CPSF1: variants seen among roughly 807,000 people sequenced by gnomAD.
CPSF1 encodes cleavage and polyadenylation specific factor 1.
Under a neutral mutation model 175.8 loss-of-function variants are expected in CPSF1, and 106 were observed. That is an observed-to-expected ratio of 0.60 (90% confidence interval 0.52 to 0.71). CPSF1 has a LOEUF of 0.71. Among genes scored for constraint, CPSF1 ranks in the 30% least tolerant of loss-of-function variants. The probability of loss-of-function intolerance (pLI) is 0.00; values close to 1 mark genes in which losing one functional copy is unlikely to be tolerated. For missense variants in CPSF1, 1,734 were observed against 2,022.9 expected, an observed-to-expected ratio of 0.86 and a Z score of 2.74; for synonymous variants, 1,024 against 858.3, an observed-to-expected ratio of 1.19 and a Z score of -3.37.
intron 26 of CPSF1, chr8:144,396,084 G>C (rs918822412): frequency 9.3e-6 from 5 of 536,410 alleles, no homozygotes; most frequent in African/African-American, 1.9e-5. Context: ...TGGAGGCCAG[G>C]CCCTGCGAGG....
chr8:144,400,754 G>A lies in CPSF1; in HGVS notation c.603C>T (p.Leu201=). 1 of 1,613,880 alleles carries A rather than the reference G, an allele frequency of 6.2e-7. No individual in the cohort carries two copies. Among genetic ancestry groups the A allele is most frequent in the Non-Finnish European group, 8.5e-7 (1 of 1,179,942 alleles). The change falls in exon 7 of 38, where the codon CTC becomes CTT. Residue 201 remains leucine, a synonymous_variant. Transcript: ENST00000616140. Reference sequence around the variant, plus strand: ...GCAGGAACTGCAGGTCGATGATGTTGAGCAGCTTCTCGTCTAGGGCCCGCA... The same window carrying A: ...GCAGGAACTGCAGGTCGATGATGTTAAGCAGCTTCTCGTCTAGGGCCCGCA... ...IDVRALDEKL[L]NIIDLQFLHG...
At position 144,401,217 on chromosome 8, in the gene CPSF1, C is replaced by G; in HGVS notation, c.381G>C (p.Glu127Asp). Residue 127 changes from glutamate to aspartate, a missense_variant, in exon 5 of 38, where the codon GAG (glutamate) becomes GAC (aspartate). Physicochemically the swap from Glu to Asp is conservative, Grantham distance 45. Coordinates refer to ENST00000616140, the MANE Select transcript of CPSF1 (RefSeq NM_013291.3). ...GGCGGGAGCGCGGCCCTACCCGAAG[C>G]TCAGGCTCCTCAAAGTAGTGCAGTG... ...TLSLHYFEEP[E>D]LRDGFVQNVH... The G allele has an allele frequency of 2.6e-6, 4 of 1,550,330 alleles. No individual in the cohort carries two copies. The highest frequency in any genetic ancestry group is 3.5e-6 in the Non-Finnish European group (4 of 1,146,978).
chr8:144,398,622 C>A lies in CPSF1; in HGVS notation c.1655G>T (p.Gly552Val), dbSNP rs2116852996. The change falls in exon 18 of 38, where the codon GGG becomes GTG. Residue 552 changes from glycine (G) to valine (V), a missense_variant. Coordinates refer to ENST00000616140, the MANE Select transcript of CPSF1 (RefSeq NM_013291.3). ...VRKEEEDNPK[G>V]EGTEQEPSTT... The stretch of plus-strand genomic sequence containing the variant: ...GCTGGGTTCCTGCTCTGTGCCCTCC[C>A]CCTTGGGATTGTCCTCCTGTCAGGG... The A allele has an allele frequency of 1.2e-6, 2 of 1,613,888 alleles. No individual in the cohort carries two copies. The highest frequency in any genetic ancestry group is 1.1e-5 in the South Asian group (1 of 91,092).
chr8:144,396,267 G>C (rs1554863643), intron 26 of CPSF1, 81 bp downstream of exon 26: 1 of 1,401,584 alleles, frequency 7.1e-7, no homozygotes, highest in Non-Finnish European at 9.8e-7. Context: ...GGAGCCAATG[G>C]TCCCTTCTCC....
Position 144,393,698 on chromosome 8 carries a change from G to T in CPSF1, c.4114C>A (p.His1372Asn). 6.4e-7 allele frequency: 1 copy of T among 1,564,984 alleles called. No homozygotes were observed. ...GCGCGGGGGTTGAGGCCGGCGTGGT[G>T]TGGCAGCATGGTGGTCAGCGCGTTC... is the stretch of plus-strand genomic sequence containing the variant. Reference protein sequence around the residue: ...LQNALTTMLPHHAGLNPRAFR... With the variant: ...LQNALTTMLPNHAGLNPRAFR... Residue 1372 changes from histidine (H) to asparagine (N), a missense_variant, in exon 36 of 38, where the codon CAC becomes AAC. Around this residue, in one of 10 missense-constraint regions of CPSF1, gnomAD observed 323 missense variants for 338.5 expected, o/e 0.95. Transcript: ENST00000616140.
chr8:144,405,584 G>A (rs2116902578), intron 2 of CPSF1, among the ~76,000 whole-genome samples: 4 of 152,034 alleles, frequency 2.6e-5, no homozygotes. Flanking sequence ...AGATCGCACT[G>A]TTGCACTCTA....
chr8:144,401,535 C>G lies in CPSF1; in HGVS notation c.201G>C (p.Glu67Asp), dbSNP rs868916788. 3 of 1,613,792 alleles carry G rather than the reference C, an allele frequency of 1.9e-6. No individual in the cohort carries two copies. The African/African-American group carries it at 4.0e-5, about 22-fold the overall frequency. ...TEGKAHREKLELAASFSFFGN... is the reference protein window; with the variant it reads ...TEGKAHREKLDLAASFSFFGN... ...CAAAGAAGGAGAAGGAGGCAGCAAG[C>G]TCGAGCTTCTCCCGGTGGGCCTTCC... Residue 67 changes from glutamate to aspartate, a missense_variant, in exon 4 of 38, where the codon GAG (glutamate) becomes GAC (aspartate). Coordinates refer to ENST00000616140, the MANE Select transcript of CPSF1 (RefSeq NM_013291.3).
intron 2 of CPSF1, among the ~76,000 whole-genome samples, chr8:144,402,161 T>C (rs1216585466): frequency 1.1e-5 from 1 of 93,026 alleles, no homozygotes; most frequent in African/African-American, 2.9e-5. Flanking sequence ...AGGCTGCCTC[T>C]CTATCTCCTC....
chr8:144,397,441 G>A, intron 22 of CPSF1, 28 bp from the exon 23 acceptor site: 1 of 1,580,678 alleles, frequency 6.3e-7, no homozygotes, highest in Non-Finnish European at 8.6e-7. Flanking sequence ...GTCAGTGGAG[G>A]CAGGTGGGTG....
In CPSF1 at chr8:144,397,843, G is replaced by A. The variant is rs1554864629; in HGVS notation, c.2110C>T (p.Leu704Phe). ...CTCTCAGTGGTGAACATGCCGCTGA[G>A]GTCTCGGTACAGGCACAGCGTAATC... Reference protein sequence around the residue: ...KVITLCLYRDLSGMFTTESRL... With the variant: ...KVITLCLYRDFSGMFTTESRL... Residue 704 changes from leucine (L) to phenylalanine (F), a missense_variant, in exon 21 of 38, where the codon CTC becomes TTC. Physicochemically the swap from Leu to Phe is conservative, Grantham distance 22 (BLOSUM62 0). Transcript: ENST00000616140. The A allele has an allele frequency of 2.5e-6, 4 of 1,611,332 alleles. No individual in the cohort carries two copies. Among genetic ancestry groups the A allele is most frequent in the Non-Finnish European group, 1.7e-6 (2 of 1,179,374 alleles).
At position 144,393,807 on chromosome 8, in the gene CPSF1, T is replaced by A. The variant is rs377490982; in HGVS notation, c.4016-11A>T. On this transcript the variant is annotated splice_polypyrimidine_tract_variant and intron_variant, in intron 35 of 37. Transcript: ENST00000616140. ...CGCCGTCCAGGGTGGCTGGCAGGGGTAGGGTGAGGGTTTTGGTGTGAGCCA... is the reference window on the plus strand; with the variant it reads ...CGCCGTCCAGGGTGGCTGGCAGGGGAAGGGTGAGGGTTTTGGTGTGAGCCA... 1.3e-6 allele frequency: 2 copies of A among 1,599,616 alleles called. No individual in the cohort carries two copies. The highest frequency in any genetic ancestry group is 1.7e-6 in the Non-Finnish European group (2 of 1,178,344).
chr8:144,399,968 T>C lies in CPSF1; in HGVS notation c.1031+24A>G. On this transcript the variant is annotated intron_variant, in intron 10 of 37. Coordinates refer to ENST00000616140, the MANE Select transcript of CPSF1 (RefSeq NM_013291.3). This position sits in a 1 kb window ranked among gnomAD's most constrained non-coding sequence, Gnocchi z 6.4. Reference sequence around the variant, plus strand: ...CTTGTGGGGGGCGGTGTGGGCAGAGTTCATGGGCGGGGGAGGGGCTCACAT... The same window carrying C: ...CTTGTGGGGGGCGGTGTGGGCAGAGCTCATGGGCGGGGGAGGGGCTCACAT... 1.2e-6 allele frequency: 2 copies of C among 1,605,374 alleles called. No individual in the cohort carries two copies. The highest frequency in any genetic ancestry group is 1.7e-6 in the Non-Finnish European group (2 of 1,175,962).
At position 144,394,688 on chromosome 8, in the gene CPSF1, G is replaced by A. The variant is rs782421189; in HGVS notation, c.3523C>T (p.Leu1175=). The A allele has an allele frequency of 1.9e-6, 3 of 1,612,222 alleles. No homozygotes were observed. Among genetic ancestry groups the A allele is most frequent in the Middle Eastern group, 1.7e-4 (1 of 6,060 alleles). Residue 1175 remains leucine (L), a synonymous_variant, in exon 31 of 38, where the codon CTG becomes TTG. Transcript: ENST00000616140. The part of the protein sequence containing the change: ...EKEQKGPVTA[L]CHCNGHLVSA... ...ACCAGGTGGCCATTGCAGTGGCACA[G>A]GGCGGTCACGGGCCCCTTCTGCTCC...
chr8:144,396,513 A>AC lies in CPSF1; in HGVS notation c.2827-14dup. 6.2e-7 allele frequency: 1 copy of AC among 1,611,472 alleles called. No individual in the cohort carries two copies. On this transcript the variant is annotated splice_polypyrimidine_tract_variant and intron_variant, in intron 25 of 37. Coordinates refer to ENST00000616140, the MANE Select transcript of CPSF1 (RefSeq NM_013291.3). ...CGCAGATGAAGACCTGGGGGCAGGC[A>AC]CCGTGAGGATGCTGTGGATGAGGAT...
chr8:144,395,108 GA>G lies in CPSF1; in HGVS notation c.3261del (p.Asn1089MetfsTer12). 6.2e-7 allele frequency: 1 copy of G among 1,610,902 alleles called. No homozygotes were observed. Among genetic ancestry groups the G allele is most frequent in the Non-Finnish European group, 8.5e-7 (1 of 1,178,564 alleles). On this transcript the variant is annotated frameshift_variant, in exon 29 of 38. Coordinates refer to ENST00000616140, the MANE Select transcript of CPSF1 (RefSeq NM_013291.3). LOFTEE classifies it high-confidence loss of function. ...CCGGCCCAGCCTCACCTGGCATTGG[GA>G]ATAGCCTCCCAGCTGACCGGGGAGA... ...QLISPVSWEAIPNARIELQEW... is the reference protein window; with the variant it reads ...QLISPVSWEAXPNARIELQEW...
Position 144,400,483 on chromosome 8 carries a change from C to T in CPSF1, c.697G>A (p.Val233Met), listed in dbSNP as rs2116875396. ...ACAATGGAGCACGTGTCCTGCCGCA[C>T]GGCCACGCGCCTGGGGACGCCAGTG... The part of the protein sequence containing the change: ...PNQTWPGRVA[V>M]RQDTCSIVAI... Residue 233 changes from valine (V) to methionine (M), a missense_variant, in exon 8 of 38, where the codon GTG becomes ATG. Physicochemically the swap from Val to Met is conservative, Grantham distance 21 (BLOSUM62 1). Around this residue, in one of 10 missense-constraint regions of CPSF1, gnomAD observed 7 missense variants for 35.5 expected, o/e 0.20. Coordinates refer to ENST00000616140, the MANE Select transcript of CPSF1 (RefSeq NM_013291.3). 4 of 1,612,812 alleles carry T rather than the reference C, an allele frequency of 2.5e-6. No homozygotes were observed. The highest frequency in any genetic ancestry group is 3.4e-6 in the Non-Finnish European group (4 of 1,179,944).
At chr8:144,400,134 G>GGGGGC in intron 9 of CPSF1, 32 bp downstream of exon 9, 1 of 964,402 alleles carries the variant, frequency 1.0e-6, no homozygotes, top group Non-Finnish European at 1.5e-6. Context: ...GCCGTCCCCG[G>GGGGGC]GCCCCCCCCG....
At position 144,398,592 on chromosome 8, in the gene CPSF1, G is replaced by A. The variant is rs1820950051; in HGVS notation, c.1685C>T (p.Thr562Ile). 1.2e-6 allele frequency: 2 copies of A among 1,613,938 alleles called. No individual in the cohort carries two copies. Among genetic ancestry groups the A allele is most frequent in the Non-Finnish European group, 1.7e-6 (2 of 1,179,982 alleles). The change falls in exon 18 of 38, where the codon ACC becomes ATC. Residue 562 changes from threonine to isoleucine, a missense_variant. Coordinates refer to ENST00000616140, the MANE Select transcript of CPSF1 (RefSeq NM_013291.3). ...GCGGCCGTCGTCGTCTGCTTCAGGG[G>A]TGGTGCTGGGTTCCTGCTCTGTGCC... ...GEGTEQEPSTTPEADDDGRRH... is the reference protein window; with the variant it reads ...GEGTEQEPSTIPEADDDGRRH...
intron 23 of CPSF1, 26 bp downstream of exon 23, chr8:144,397,181 G>C (rs781884070): frequency 1.3e-6 from 2 of 1,517,018 alleles, no homozygotes; most frequent in South Asian, 2.4e-5. Context: ...AAGATGGGAA[G>C]GGGAGGCCAG....
Sources: gnomAD v4.1 joint callset for allele counts (sites outside exome capture counted in the v4.1 genomes callset) on GRCh38, gnomAD v4.1.1 for gene constraint, gnomAD v4.1.1 regional missense constraint, Gnocchi (gnomAD v3.1) non-coding constraint, MANE v1.5 for transcripts, NCBI Gene and HGNC (gene_info 2026-07-23, HGNC 2026-07-21) for gene names.